COL24A1: variants seen among roughly 807,000 people sequenced by gnomAD.
COL24A1 encodes the protein collagen alpha-1(XXIV) chain.
In COL24A1, 224 loss-of-function variants were observed where a neutral mutation model predicts 253.9. The ratio of observed to expected loss-of-function variants is 0.88; its 90% CI spans 0.79 to 0.99. The LOEUF is 0.99. Among genes scored for constraint, COL24A1 ranks in the 50% least tolerant of loss-of-function variants. The pLI, the probability that COL24A1 is intolerant of heterozygous loss-of-function variation, is 0.00. For missense variants in COL24A1, 2,131 were observed against 2,068.5 expected (o/e 1.03, Z -0.59); for synonymous variants, 685 against 673.7 (o/e 1.02, Z -0.26).
At chr1:86,051,359 G>A (rs72960324) in intron 10 of COL24A1, among the ~76,000 whole-genome samples, 14,971 of 152,072 alleles carry the variant, frequency 0.098, 813 homozygotes, top group Middle Eastern at 0.2. Flanking sequence ...ATGACAAATA[G>A]ACAATGGGAA....
At chr1:85,821,478 G>A (rs1335623727) in intron 45 of COL24A1, among the ~76,000 whole-genome samples, 1 of 152,040 alleles carries the variant, frequency 6.6e-6, no homozygotes, top group African/African-American at 2.4e-5. Context: ...TAATTTTAAA[G>A]GGTCATTTCC....
chr1:86,115,194 G>C, intron 4 of COL24A1, 131 bp downstream of exon 4: 1 of 784,046 alleles, frequency 1.3e-6, no homozygotes, highest in Non-Finnish European at 2.0e-6. Flanking sequence ...TCTTGAATTG[G>C]CTAAGGTAGG....
intron 5 of COL24A1, among the ~76,000 whole-genome samples, chr1:86,102,868 G>A (rs797015446): frequency 7.9e-5 from 12 of 152,282 alleles, no homozygotes; most frequent in East Asian, 5.8e-4. Context: ...GTTTTGGGTG[G>A]TGAGTTCTGT....
At chr1:86,057,786 G>A in intron 10 of COL24A1, 145 bp downstream of exon 10, 1 of 604,292 alleles carries the variant, frequency 1.7e-6, no homozygotes, top group African/African-American at 1.9e-5. Context: ...AGAAGTGAAA[G>A]CAACTGCAGT....
intron 31 of COL24A1, among the ~76,000 whole-genome samples, chr1:85,891,805 A>G (rs756643805): frequency 6.6e-6 from 1 of 152,224 alleles, no homozygotes; most frequent in African/African-American, 2.4e-5. Context: ...TGTACTTTTA[A>G]TGCTGTTGAT....
intron 20 of COL24A1, among the ~76,000 whole-genome samples, chr1:85,973,399 A>G (rs1467552693): frequency 6.6e-6 from 1 of 152,198 alleles, no homozygotes; most frequent in East Asian, 1.9e-4. Context: ...AAGTAGAGGT[A>G]TATGCAAAGT....
chr1:86,104,181 G>A (rs547092265), intron 5 of COL24A1, among the ~76,000 whole-genome samples: 143 of 152,026 alleles, frequency 9.4e-4, no homozygotes, highest in African/African-American at 3.4e-3. Flanking sequence ...TTTAACACAT[G>A]TGATTGTATT....
chr1:85,824,869 G>T (rs1190024378), intron 43 of COL24A1, among the ~76,000 whole-genome samples: 29 of 151,696 alleles, frequency 1.9e-4, no homozygotes, highest in Non-Finnish European at 1.5e-5. Context: ...GCTAGAAGAA[G>T]AGATTGCATA....
Position 85,877,922 on chromosome 1 carries a change from T to A in COL24A1, c.2977-747A>T, listed in dbSNP as rs78732701. Among the ~76,000 whole-genome samples, 306 of 152,328 alleles carry A rather than the reference T, an allele frequency of 2.0e-3. 3 individuals are homozygous for A. The highest frequency in any genetic ancestry group is 7.1e-3 in the African/African-American group (294 of 41,580). ...GAAGTAAATATATGATCTTTTTTTT[T>A]ACTGACTGTACAGTTTTACCCCTCA... On this transcript the variant is annotated intron_variant, in intron 32 of 59. Coordinates refer to ENST00000370571, the MANE Select transcript of COL24A1 (RefSeq NM_152890.7).
intron 58 of COL24A1, among the ~76,000 whole-genome samples, chr1:85,735,698 G>A (rs1427313170): frequency 6.6e-6 from 1 of 152,028 alleles, no homozygotes; most frequent in Non-Finnish European, 1.5e-5. Flanking sequence ...AAGACTGACT[G>A]CACGTTTCCC....
At chr1:85,797,536 T>G (rs1466755591) in intron 47 of COL24A1, among the ~76,000 whole-genome samples, 1 of 152,176 alleles carries the variant, frequency 6.6e-6, no homozygotes, top group Non-Finnish European at 1.5e-5. Flanking sequence ...AATAGAATTT[T>G]GGGGGCTAAG....
intron 47 of COL24A1, among the ~76,000 whole-genome samples, chr1:85,800,787 T>C (rs1671345852): frequency 6.6e-6 from 1 of 152,132 alleles, no homozygotes; most frequent in African/African-American, 2.4e-5. Context: ...AAGATGAATA[T>C]AACTAATTGA....
chr1:86,060,901 CATA>C (rs1420802740), intron 8 of COL24A1, among the ~76,000 whole-genome samples: 1 of 151,636 alleles, frequency 6.6e-6, no homozygotes. Context: ...TATATATTTA[CATA>C]ATATTTTATT....
chr1:85,915,185 AC>A lies in COL24A1; in HGVS notation c.2563-3753del, dbSNP rs368368833. ...AAAACAAAAAGGCAAAGGAAAGGAA[AC>A]TTTTCTCTCCATCTGACTGCTTAGG... On this transcript the variant is annotated intron_variant, in intron 24 of 59. Coordinates refer to ENST00000370571, the MANE Select transcript of COL24A1 (RefSeq NM_152890.7). 2.2e-3 allele frequency among the ~76,000 whole-genome samples: 341 copies of A among 152,250 alleles called. 5 individuals are homozygous for A. The highest frequency in any genetic ancestry group is 7.8e-3 in the African/African-American group (325 of 41,540).
At chr1:86,145,954 C>A (rs1012227701) in intron 2 of COL24A1, among the ~76,000 whole-genome samples, 165 bp downstream of exon 2, 2 of 151,950 alleles carry the variant, frequency 1.3e-5, no homozygotes. Context: ...CGTATTTCCC[C>A]TCAAAATTGG....
intron 20 of COL24A1, among the ~76,000 whole-genome samples, chr1:85,973,267 C>T (rs1692348850): frequency 6.6e-6 from 1 of 152,058 alleles, no homozygotes; most frequent in African/African-American, 2.4e-5. Context: ...ATTAACAGCA[C>T]AATATTAGGC....
chr1:85,737,198 G>T (rs997426368), intron 58 of COL24A1, among the ~76,000 whole-genome samples, 198 bp downstream of exon 58: 1 of 152,024 alleles, frequency 6.6e-6, no homozygotes, highest in Non-Finnish European at 1.5e-5. Context: ...ATAATAAAAA[G>T]ACACAATCAA....
rs564551591 is a variant in COL24A1, at chr1:86,156,632, C to T, written c.-236G>A. 21 of 375,934 alleles carry T rather than the reference C, an allele frequency of 5.6e-5. No homozygotes were observed. Among genetic ancestry groups the T allele is most frequent in the African/African-American group, 3.8e-4 (18 of 47,750 alleles). The allele number at this position is 375,934 out of a possible 1,614,324, so 23.3% of individuals were successfully genotyped here. On this transcript the variant is annotated 5_prime_UTR_variant, in exon 1 of 60. Transcript: ENST00000370571. ...TCTCTGGCTCGGTAACGAACGAGCC[C>T]AGGGTTGCGCTCCCCGGGGAGGGCG... is the stretch of plus-strand genomic sequence containing the variant.
chr1:86,066,847 C>T (rs947401886), intron 7 of COL24A1, among the ~76,000 whole-genome samples: 11 of 152,008 alleles, frequency 7.2e-5, no homozygotes, highest in African/African-American at 2.7e-4. Context: ...ATATGAGTTA[C>T]TTCAGGAAGG....
Sources: allele counts gnomAD v4.1 joint callset (sites outside exome capture counted in the v4.1 genomes callset), GRCh38; gene constraint gnomAD v4.1.1; transcripts MANE v1.5; gene names NCBI Gene and HGNC (gene_info 2026-07-23, HGNC 2026-07-21).